CHAT: variants seen among roughly 807,000 people sequenced by gnomAD.
The protein encoded by CHAT is acetyl CoA:choline O-acetyltransferase.
Under a neutral mutation model 76.9 loss-of-function variants are expected in CHAT, and 61 were observed. That is an observed-to-expected ratio of 0.79 (90% CI 0.65 to 0.98). CHAT has a LOEUF of 0.98. CHAT is among the 50% of genes least tolerant of loss of function. The pLI is 0.00. For synonymous variants in CHAT, 407 were observed against 397.4 expected, an observed-to-expected ratio of 1.02 and a Z score of -0.29; for missense variants, 946 against 986.9, an observed-to-expected ratio of 0.96 and a Z score of 0.56.
intron 13 of CHAT, among the ~76,000 whole-genome samples, chr10:49,660,950 A>G (rs1840175006): frequency 6.6e-6 from 1 of 152,174 alleles, no homozygotes; most frequent in Admixed American, 6.5e-5. Flanking sequence ...GGTGGTCCAG[A>G]GCCCCCATCA....
chr10:49,609,486 C>A (rs1293945878), upstream of CHAT, among the ~76,000 whole-genome samples: 1 of 151,154 alleles, frequency 6.6e-6, no homozygotes, highest in African/African-American at 2.4e-5. Flanking sequence ...AGAGAAGAGG[C>A]GGAGCTGGGG....
chr10:49,655,312 G>T, intron 12 of CHAT, 74 bp from the exon 13 acceptor site: 1 of 1,613,038 alleles, frequency 6.2e-7, no homozygotes, highest in Non-Finnish European at 8.5e-7. Context: ...AGTGGGCTCG[G>T]CCCTCTGACC....
At chr10:49,660,573 A>G (rs1016686107) in intron 13 of CHAT, among the ~76,000 whole-genome samples, 1 of 152,246 alleles carries the variant, frequency 6.6e-6, no homozygotes, top group African/African-American at 2.4e-5. Context: ...AGAAATAGCT[A>G]AAAGACTGTA....
chr10:49,658,850 C>G (rs1006340964), intron 13 of CHAT, among the ~76,000 whole-genome samples: 1 of 151,930 alleles, frequency 6.6e-6, no homozygotes, highest in African/African-American at 2.4e-5. Flanking sequence ...AAACATTTTT[C>G]AGGAAATAAA....
intron 5 of CHAT, among the ~76,000 whole-genome samples, chr10:49,623,714 C>T (rs564777095): frequency 6.6e-6 from 1 of 152,174 alleles, no homozygotes; most frequent in Non-Finnish European, 1.5e-5. Context: ...CATACCTTGT[C>T]GAGCCATGTC....
intron 2 of CHAT, among the ~76,000 whole-genome samples, chr10:49,617,227 T>A (rs929622263): frequency 6.8e-6 from 1 of 148,076 alleles, no homozygotes; most frequent in Non-Finnish European, 1.5e-5. Flanking sequence ...CTGAGCAGAA[T>A]TTTCTGGCTT....
chr10:49,656,226 T>G (rs1473402467), intron 13 of CHAT, among the ~76,000 whole-genome samples: 1 of 151,494 alleles, frequency 6.6e-6, no homozygotes, highest in East Asian at 1.9e-4. Context: ...TTCATCTAAA[T>G]ACTTCAGTGT....
rs35501115 is a variant in CHAT at position 49,649,946 on chromosome 10, A to AG, written c.1511+315dup. Among the ~76,000 whole-genome samples the AG allele has an allele frequency of 0.42, 56,972 of 137,248 alleles. 11,718 individuals are homozygous for AG. The highest frequency in any genetic ancestry group is 0.58 in the Middle Eastern group (141 of 242). 90.0% of individuals were successfully genotyped at this position (137,248 alleles called of 152,430 possible). On this transcript the variant is annotated intron_variant, in intron 10 of 14. Transcript: ENST00000337653. Reference sequence around the variant, plus strand: ...AGGCCGGGAAATCATCCCCTGCTTTAGGGGGAGTAATAAACAACTGGTTTG... The same window carrying AG: ...AGGCCGGGAAATCATCCCCTGCTTTAGGGGGGAGTAATAAACAACTGGTTTG...
intron 7 of CHAT, 44 bp from the exon 8 acceptor site, chr10:49,646,461 C>G: frequency 6.2e-7 from 1 of 1,612,026 alleles, no homozygotes; most frequent in South Asian, 1.1e-5. Flanking sequence ...GAAGACTGGC[C>G]TGGAGCGGGA....
chr10:49,620,006 AAG>A, intron 3 of CHAT, 90 bp downstream of exon 3: 1 of 1,332,572 alleles, frequency 7.5e-7, no homozygotes, highest in Non-Finnish European at 1.0e-6. Context: ...GTAGGGGACA[AAG>A]ACAGGGCAGA....
chr10:49,618,219 C>T (rs561615888), intron 2 of CHAT, among the ~76,000 whole-genome samples: 5 of 152,248 alleles, frequency 3.3e-5, no homozygotes, highest in African/African-American at 9.6e-5. Context: ...CCTTCAGGTC[C>T]GGAGATCAGC....
Position 49,649,534 on chromosome 10 carries a change from G to T in CHAT, c.1409G>T (p.Arg470Leu). 1 of 1,613,852 alleles carries T rather than the reference G, an allele frequency of 6.2e-7. No individual in the cohort carries two copies. The highest frequency in any genetic ancestry group is 8.5e-7 in the Non-Finnish European group (1 of 1,180,054). Reference sequence around the variant, plus strand: ...ACGCAGAGCAGCAGGAAGCTGATCCGAGCAGACTCCGTCAGCGAGCTCCCC... The same window carrying T: ...ACGCAGAGCAGCAGGAAGCTGATCCTAGCAGACTCCGTCAGCGAGCTCCCC... ...HVTQSSRKLI[R>L]ADSVSELPAP... The change falls in exon 10 of 15, where the codon CGA (arginine) becomes CTA (leucine). Residue 470 changes from arginine (R) to leucine (L), a missense_variant. By Grantham distance (102) the Arg-to-Leu change is moderately radical. Transcript: ENST00000337653.
chr10:49,655,171 A>G lies in CHAT; in HGVS notation c.1711A>G (p.Arg571Gly). The G allele has an allele frequency of 6.2e-7, 1 of 1,614,046 alleles. No individual in the cohort carries two copies. The highest frequency in any genetic ancestry group is 8.5e-7 in the Non-Finnish European group (1 of 1,180,040). Residue 571 changes from arginine to glycine, a missense_variant, in exon 12 of 15, where the codon AGA becomes GGA. By Grantham distance (125) the Arg-to-Gly change is moderately radical (BLOSUM62 -2). Coordinates refer to ENST00000337653, the MANE Select transcript of CHAT (RefSeq NM_020549.5). The part of the protein sequence containing the change: ...RFQEGRVDNI[R>G]SATPEALAFV... ...CCAGGAGGGACGCGTGGACAACATC[A>G]GATCGGCCACTCCAGAGGCACTGGC...
chr10:49,642,270 T>G (rs1265402979), intron 7 of CHAT, among the ~76,000 whole-genome samples: 2 of 152,220 alleles, frequency 1.3e-5, no homozygotes, highest in East Asian at 3.9e-4. Flanking sequence ...TGGATGAGCT[T>G]GGGTGTAGTG....
Position 49,662,825 on chromosome 10 carries a change from TA to T in CHAT, c.1977+45del, listed in dbSNP as rs145072487. On this transcript the variant is annotated intron_variant, in intron 14 of 14. Transcript: ENST00000337653. ...TATCGCCCAAGAGTAGTGTAGTCAG[TA>T]AGCTTTCTAAAGAGCAGTGACAACA... The T allele has an allele frequency of 7.8e-4, 1,265 of 1,613,634 alleles. 7 individuals are homozygous for T. In the African/African-American group the frequency reaches 0.015, roughly 20 times the overall value.
intron 5 of CHAT, among the ~76,000 whole-genome samples, chr10:49,624,400 T>C (rs1382491458): frequency 1.3e-5 from 2 of 152,208 alleles, no homozygotes; most frequent in African/African-American, 4.8e-5. Context: ...TTCAGTGCAA[T>C]ACTCATACTT....
At chr10:49,649,195 G>A (rs770792743) in intron 9 of CHAT, among the ~76,000 whole-genome samples, 2 of 152,200 alleles carry the variant, frequency 1.3e-5, no homozygotes, top group Non-Finnish European at 2.9e-5. Flanking sequence ...GAACAACACA[G>A]CTTGCTCTTA....
At chr10:49,652,446 C>T (rs1478722293) in intron 11 of CHAT, among the ~76,000 whole-genome samples, 3 of 152,200 alleles carry the variant, frequency 2.0e-5, no homozygotes, top group Non-Finnish European at 2.9e-5. Context: ...ATTTTGGACT[C>T]ATCCTTGATT....
chr10:49,659,001 T>G (rs1387688400), intron 13 of CHAT, among the ~76,000 whole-genome samples: 1 of 152,156 alleles, frequency 6.6e-6, no homozygotes, highest in Non-Finnish European at 1.5e-5. Context: ...GAGAATAATA[T>G]TCCAAATAAC....
Sources: gnomAD v4.1 joint callset for allele counts (sites outside exome capture counted in the v4.1 genomes callset) on GRCh38, gnomAD v4.1.1 for gene constraint, MANE v1.5 for transcripts, NCBI Gene and HGNC (gene_info 2026-07-23, HGNC 2026-07-21) for gene names.